Variants in FTH1 observed in about 807,000 individuals in gnomAD.
FTH1 encodes the protein ferritin heavy chain.
A neutral mutation model predicts 21.8 loss-of-function variants in FTH1; 3 were observed. The ratio of observed to expected loss-of-function variants is 0.14; its 90% CI spans 0.06 to 0.36. The LOEUF (loss-of-function observed/expected upper bound fraction) is 0.36. FTH1 is among the 10% of genes least tolerant of loss of function. FTH1 has a pLI of 1.00. For synonymous variants in FTH1, 83 were observed against 90.1 expected (o/e 0.92, Z 0.45); for missense variants, 147 against 225.8 (o/e 0.65, Z 2.24).
intron 1 of FTH1, 42 bp downstream of exon 1, chr11:61,967,270 C>G (rs528164427): frequency 1.5e-6 from 2 of 1,368,730 alleles, no homozygotes; most frequent in Non-Finnish European, 2.0e-6. Flanking sequence ...CCCCGGGAAC[C>G]GCGCCCGGCC....
rs774482982 is a variant in FTH1, at chr11:61,964,760, C to A, written c.519G>T (p.Lys173Asn). Residue 173 changes from lysine to asparagine, a missense_variant, in exon 4 of 4, where the codon AAG (lysine) becomes AAT (asparagine). Lys to Asn is a moderately conservative substitution (Grantham distance 94, BLOSUM62 0). Transcript: ENST00000273550. Reference protein sequence around the residue: ...ESGLAEYLFDKHTLGDSDNES With the variant: ...ESGLAEYLFDNHTLGDSDNES ...CATTATCACTGTCTCCCAGGGTGTG[C>A]TTGTCAAAGAGATATTCCGCCAAGC... 1 of 1,599,376 alleles carries A rather than the reference C, an allele frequency of 6.3e-7. No homozygotes were observed. Among genetic ancestry groups the A allele is most frequent in the East Asian group, 2.2e-5 (1 of 44,884 alleles).
At chr11:61,967,200 G>A (rs900790844) in intron 1 of FTH1, 112 bp downstream of exon 1, 3 of 521,972 alleles carry the variant, frequency 5.7e-6, no homozygotes, top group East Asian at 3.9e-5. Context: ...TTTTCCAGAA[G>A]GGCGCAGGGA....
chr11:61,966,765 G>A lies in FTH1; in HGVS notation c.114+547C>T, dbSNP rs376549851. On this transcript the variant is annotated intron_variant, in intron 1 of 3. Coordinates refer to ENST00000273550, the MANE Select transcript of FTH1 (RefSeq NM_002032.3). ...TAGAGATATGCTTCAAAGCAAGTGG[G>A]ACTTAGAGATAAGCAGAGCCGAGAG... Among the ~76,000 whole-genome samples the A allele has an allele frequency of 1.3e-4, 20 of 152,332 alleles. No individual in the cohort carries two copies. The South Asian group carries it at 4.1e-3, about 32-fold the overall frequency.
chr11:61,965,692 G>C, intron 1 of FTH1, 177 bp from the exon 2 acceptor site: 2 of 700,846 alleles, frequency 2.9e-6, no homozygotes, highest in Non-Finnish European at 5.1e-6. Flanking sequence ...TTGAACCCAA[G>C]AGTAATGTTT....
intron 1 of FTH1, 174 bp from the exon 2 acceptor site, chr11:61,965,689 C>G (rs1591321634): frequency 2.8e-6 from 2 of 706,644 alleles, no homozygotes; most frequent in Admixed American, 4.2e-5. Context: ...GGATTGAACC[C>G]AAGAGTAATG....
At chr11:61,967,279 C>A (rs1298911304) in intron 1 of FTH1, 33 bp downstream of exon 1, 4 of 1,416,644 alleles carry the variant, frequency 2.8e-6, no homozygotes, top group Non-Finnish European at 3.8e-6. Flanking sequence ...CCGCGCCCGG[C>A]CCCCGCCACC....
chr11:61,965,120 A>G lies in FTH1; in HGVS notation c.262-8T>C, dbSNP rs368857190. 9.4e-6 allele frequency: 15 copies of G among 1,603,446 alleles called. No homozygotes were observed. The African/African-American group carries it at 2.0e-4, about 21-fold the overall frequency. ...GTCATCACAGTCTGGTTTCTGAATG[A>G]GAATAGGTTAATGCATCTCTACCAA... On this transcript the variant is annotated splice_polypyrimidine_tract_variant and splice_region_variant and intron_variant, in intron 2 of 3. Coordinates refer to ENST00000273550, the MANE Select transcript of FTH1 (RefSeq NM_002032.3).
chr11:61,964,530 T>G lies in FTH1; in HGVS notation c.*197A>C. 1.5e-6 allele frequency: 1 copy of G among 674,240 alleles called. No individual in the cohort carries two copies. Among genetic ancestry groups the G allele is most frequent in the African/African-American group, 1.8e-5 (1 of 55,418 alleles). The allele number at this position is 674,240 out of a possible 1,614,324, so 41.8% of individuals were successfully genotyped here. On this transcript the variant is annotated 3_prime_UTR_variant, in exon 4 of 4. Coordinates refer to ENST00000273550, the MANE Select transcript of FTH1 (RefSeq NM_002032.3). ...GAATCTGGAAGATAGCCTGGATAGA[T>G]TTCTGATTCATCCCAAGACCTCAAA...
At chr11:61,966,651 C>T (rs1195075084) in intron 1 of FTH1, among the ~76,000 whole-genome samples, 1 of 152,206 alleles carries the variant, frequency 6.6e-6, no homozygotes, top group Non-Finnish European at 1.5e-5. Flanking sequence ...AAACTCCACA[C>T]CTCTTACAGT....
intron 3 of FTH1, 39 bp downstream of exon 3, chr11:61,964,948 T>C (rs1942415612): frequency 6.2e-7 from 1 of 1,613,908 alleles, no homozygotes; most frequent in African/African-American, 1.3e-5. Context: ...CTAAGGCAAA[T>C]GATTTCCTCC....
At chr11:61,965,250 C>T in intron 2 of FTH1, 119 bp downstream of exon 2, 1 of 1,592,906 alleles carries the variant, frequency 6.3e-7, no homozygotes, top group Non-Finnish European at 8.6e-7. Flanking sequence ...TAAAAAAGCA[C>T]AAAAGGCAAA....
In FTH1 at chr11:61,965,535, T is replaced by A; in HGVS notation, c.115-20A>T. ...GTAAGACTGAAAGGGGAACACTGAATGTGTTATACTAGGGATCCCCAGAGA... is the reference window on the plus strand; with the variant it reads ...GTAAGACTGAAAGGGGAACACTGAAAGTGTTATACTAGGGATCCCCAGAGA... On this transcript the variant is annotated intron_variant, in intron 1 of 3. Transcript: ENST00000273550. 1 of 1,599,634 alleles carries A rather than the reference T, an allele frequency of 6.3e-7. No homozygotes were observed. The highest frequency in any genetic ancestry group is 8.5e-7 in the Non-Finnish European group (1 of 1,179,742).
rs1942411779 is a variant in FTH1 at position 61,964,897 on chromosome 11, A to C, written c.388-6T>G. Reference sequence around the variant, plus strand: ...GTCTCAATGAAGTCACACAACTGCAAAACAATGGGGAAGACAGTTAGTGGG... The same window carrying C: ...GTCTCAATGAAGTCACACAACTGCACAACAATGGGGAAGACAGTTAGTGGG... On this transcript the variant is annotated splice_polypyrimidine_tract_variant and splice_region_variant and intron_variant, in intron 3 of 3. Transcript: ENST00000273550. 1 of 1,611,050 alleles carries C rather than the reference A, an allele frequency of 6.2e-7. No homozygotes were observed. The highest frequency in any genetic ancestry group is 8.5e-7 in the Non-Finnish European group (1 of 1,180,018).
intron 1 of FTH1, among the ~76,000 whole-genome samples, chr11:61,966,164 C>T (rs1197102485): frequency 7.2e-5 from 11 of 152,138 alleles, no homozygotes; most frequent in Non-Finnish European, 1.5e-4. Flanking sequence ...ATTCCAGCTA[C>T]TCAGGAGCCT....
chr11:61,964,913 A>G (rs1942412685), intron 3 of FTH1, 22 bp from the exon 4 acceptor site: 2 of 1,610,944 alleles, frequency 1.2e-6, no homozygotes, highest in African/African-American at 2.7e-5. Flanking sequence ...TGGGGAAGAC[A>G]GTTAGTGGGC....
intron 2 of FTH1, 126 bp downstream of exon 2, chr11:61,965,243 A>G (rs1297152829): frequency 6.3e-7 from 1 of 1,593,718 alleles, no homozygotes; most frequent in Non-Finnish European, 8.6e-7. Flanking sequence ...GTAAGCCTAA[A>G]AAAGCACAAA....
At chr11:61,965,343 T>C in intron 2 of FTH1, 26 bp downstream of exon 2, 1 of 1,612,704 alleles carries the variant, frequency 6.2e-7, no homozygotes, top group Non-Finnish European at 8.5e-7. Flanking sequence ...TGATGAAGTA[T>C]GACACCCCTA....
At position 61,965,353 on chromosome 11, in the gene FTH1, A is replaced by G. The variant is rs1234207364; in HGVS notation, c.261+16T>C. 5 of 1,605,116 alleles carry G rather than the reference A, an allele frequency of 3.1e-6. No individual in the cohort carries two copies. Among genetic ancestry groups the G allele is most frequent in the Non-Finnish European group, 4.2e-6 (5 of 1,177,150 alleles). ...CCAGATGATGAAGTATGACACCCCT[A>G]GGATCTTTTGTTCACCTTGATATCC... On this transcript the variant is annotated intron_variant, in intron 2 of 3. Transcript: ENST00000273550.
In FTH1 at chr11:61,964,380, C is replaced by A; in HGVS notation, c.*347G>T. 2.8e-6 allele frequency: 2 copies of A among 710,758 alleles called. No homozygotes were observed. Among genetic ancestry groups the A allele is most frequent in the Non-Finnish European group, 4.5e-6 (2 of 439,628 alleles). The allele number at this position is 710,758 out of a possible 1,614,324, so 44.0% of individuals were successfully genotyped here. On this transcript the variant is annotated 3_prime_UTR_variant, in exon 4 of 4. Transcript: ENST00000273550. Reference sequence around the variant, plus strand: ...AGACTCTGGATTCAGAGTCGGGAACCCTTAGTTCTATCTGAATCCAAGACA... The same window carrying A: ...AGACTCTGGATTCAGAGTCGGGAACACTTAGTTCTATCTGAATCCAAGACA...
Sources: gnomAD v4.1 joint callset for allele counts (sites outside exome capture counted in the v4.1 genomes callset) on GRCh38, gnomAD v4.1.1 for gene constraint, MANE v1.5 for transcripts, NCBI Gene and HGNC (gene_info 2026-07-23, HGNC 2026-07-21) for gene names.